The following DIP2C variants were observed in gnomAD, a reference collection of about 807,000 sequenced individuals.
DIP2C encodes disco-interacting protein 2 homolog C.
Under a neutral mutation model 192.4 loss-of-function variants are expected in DIP2C, and 33 were observed. That is an observed-to-expected ratio of 0.17 (90% CI 0.13 to 0.23). The LOEUF (loss-of-function observed/expected upper bound fraction) is 0.23, where lower values mean the gene tolerates loss of function less well. Ranked by LOEUF, DIP2C falls within the 10% of genes least tolerant of loss-of-function variation. The pLI is 1.00. For missense variants in DIP2C, 1,537 were observed against 2,110.1 expected, an observed-to-expected ratio of 0.73 and a Z score of 5.32; for synonymous variants, 979 against 864.1, an observed-to-expected ratio of 1.13 and a Z score of -2.33.
intron 31 of DIP2C, among the ~76,000 whole-genome samples, chr10:324,087 C>T (rs972396753): frequency 6.6e-6 from 1 of 152,196 alleles, no homozygotes; most frequent in African/African-American, 2.4e-5. Flanking sequence ...ACTGCCCTCC[C>T]CCAGAACGCC....
At chr10:544,964 G>A (rs2130918054) in intron 1 of DIP2C, among the ~76,000 whole-genome samples, 1 of 152,052 alleles carries the variant, frequency 6.6e-6, no homozygotes, top group South Asian at 2.1e-4. Flanking sequence ...TCTCATCTAA[G>A]GAACCATTGC....
intron 1 of DIP2C, among the ~76,000 whole-genome samples, chr10:512,093 C>T (rs1460667141): frequency 1.3e-5 from 2 of 152,196 alleles, no homozygotes; most frequent in African/African-American, 4.8e-5. Flanking sequence ...GAACGGGCCT[C>T]CTGCTCTTTG....
At chr10:279,936 A>T (rs900839904) in intron 36 of DIP2C, among the ~76,000 whole-genome samples, 1 of 152,380 alleles carries the variant, frequency 6.6e-6, no homozygotes, top group South Asian at 2.1e-4. Context: ...GAGGTCACAC[A>T]AGCCAATTAA....
chr10:591,790 C>CT (rs1851417404), intron 1 of DIP2C, among the ~76,000 whole-genome samples: 1 of 152,030 alleles, frequency 6.6e-6, no homozygotes, highest in Non-Finnish European at 1.5e-5. Context: ...CCACACCCTC[C>CT]TCTCCTTCCT....
chr10:360,658 C>T (rs972202039), intron 22 of DIP2C, among the ~76,000 whole-genome samples: 6 of 152,178 alleles, frequency 3.9e-5, no homozygotes, highest in African/African-American at 1.4e-4. Context: ...TCCCAGGGAC[C>T]TTTAAAGCTG....
At chr10:325,648 A>G (rs962734952) in intron 31 of DIP2C, among the ~76,000 whole-genome samples, 2 of 152,214 alleles carry the variant, frequency 1.3e-5, no homozygotes, top group Non-Finnish European at 2.9e-5. Context: ...GGCGATAAAC[A>G]TTTATGAGGA....
At chr10:557,878 C>CAGGGGG (rs1848989572) in intron 1 of DIP2C, among the ~76,000 whole-genome samples, 1 of 22,138 alleles carries the variant, frequency 4.5e-5, no homozygotes, top group Non-Finnish European at 8.2e-5. Context: ...GGCAGGCAGG[C>CAGGGGG]AGGGGGAGGG....
chr10:656,185 G>A (rs970345794), intron 1 of DIP2C, among the ~76,000 whole-genome samples: 2 of 152,172 alleles, frequency 1.3e-5, no homozygotes, highest in African/African-American at 2.4e-5. Flanking sequence ...CCTATATAAC[G>A]CTATACTATT....
Position 388,093 on chromosome 10 carries a change from T to C in DIP2C, c.1598-284A>G, listed in dbSNP as rs112822436. ...TTCTCCTTTTATATATTTCCCCCTCTCTGCCTTTTTCTTTAAAAGATTTCT... is the reference window on the plus strand; with the variant it reads ...TTCTCCTTTTATATATTTCCCCCTCCCTGCCTTTTTCTTTAAAAGATTTCT... On this transcript the variant is annotated intron_variant, in intron 13 of 36. Coordinates refer to ENST00000280886, the MANE Select transcript of DIP2C (RefSeq NM_014974.3). Among the ~76,000 whole-genome samples the C allele has an allele frequency of 3.6e-3, 543 of 152,166 alleles. 1 individual carries two copies. Among genetic ancestry groups the C allele is most frequent in the East Asian group, 0.014 (70 of 5,184 alleles).
At chr10:654,015 C>A (rs1171321549) in intron 1 of DIP2C, among the ~76,000 whole-genome samples, 1 of 152,174 alleles carries the variant, frequency 6.6e-6, no homozygotes, top group East Asian at 1.9e-4. Flanking sequence ...CCCCAAATTA[C>A]CCAGTCCTGA....
chr10:384,259 G>T, intron 15 of DIP2C, 113 bp from the exon 16 acceptor site: 3 of 554,058 alleles, frequency 5.4e-6, no homozygotes, highest in Non-Finnish European at 9.1e-6. Context: ...TGGTCACCCA[G>T]CCCCCACAAA....
chr10:457,007 T>C (rs1969356503), intron 3 of DIP2C, among the ~76,000 whole-genome samples: 2 of 152,236 alleles, frequency 1.3e-5, no homozygotes, highest in Non-Finnish European at 1.5e-5. Flanking sequence ...ATTTCTAGCA[T>C]TGCCTTTTGA....
At chr10:440,831 G>A (rs368665573) in intron 4 of DIP2C, 40 bp downstream of exon 4, 50 of 1,590,846 alleles carry the variant, frequency 3.1e-5, no homozygotes, top group African/African-American at 2.7e-4. Context: ...TGAGGTGCCC[G>A]GCACATTCAG....
chr10:280,603 T>C (rs1379186490), intron 36 of DIP2C, among the ~76,000 whole-genome samples: 1 of 152,146 alleles, frequency 6.6e-6, no homozygotes, highest in Non-Finnish European at 1.5e-5. Flanking sequence ...ATTGACATAC[T>C]CAGCACTTCA....
intron 32 of DIP2C, among the ~76,000 whole-genome samples, chr10:305,450 C>T (rs3097718): frequency 0.99 from 150,104 of 152,340 alleles, 73,990 homozygotes; most frequent in Middle Eastern, 1. Flanking sequence ...TGATGTACTT[C>T]TATTCTGTGG....
chr10:423,647 G>A (rs571446730), intron 4 of DIP2C, among the ~76,000 whole-genome samples: 3 of 152,254 alleles, frequency 2.0e-5, no homozygotes, highest in South Asian at 4.1e-4. Flanking sequence ...TTCTACATTG[G>A]TGTGTTAGAT....
At chr10:577,825 T>TG (rs1200667985) in intron 1 of DIP2C, among the ~76,000 whole-genome samples, 2 of 144,352 alleles carry the variant, frequency 1.4e-5, no homozygotes, top group South Asian at 2.2e-4. Context: ...TTTTTTGTGT[T>TG]TTTTTTTTTT....
chr10:563,585 A>G (rs1849322605), intron 1 of DIP2C, among the ~76,000 whole-genome samples: 1 of 152,248 alleles, frequency 6.6e-6, no homozygotes, highest in Non-Finnish European at 1.5e-5. Flanking sequence ...GGCTTAAAAT[A>G]TAATTATAGC....
At chr10:615,598 G>A (rs575272027) in intron 1 of DIP2C, among the ~76,000 whole-genome samples, 24 of 151,926 alleles carry the variant, frequency 1.6e-4, no homozygotes, top group African/African-American at 5.8e-4. Flanking sequence ...GATGCCAGAA[G>A]AGATGTAGGT....
Sources: gnomAD v4.1 joint callset for allele counts (sites outside exome capture counted in the v4.1 genomes callset) on GRCh38, gnomAD v4.1.1 for gene constraint, MANE v1.5 for transcripts, NCBI Gene and HGNC (gene_info 2026-07-23, HGNC 2026-07-21) for gene names.